The following TMC7 variants were observed in gnomAD, a reference collection of about 807,000 sequenced individuals.
The protein encoded by TMC7 is transmembrane channel-like protein 7.
TMC7 carries 54 observed loss-of-function variants against 82.9 expected under a neutral mutation model. The ratio of observed to expected loss-of-function variants is 0.65; its 90% CI spans 0.52 to 0.82. The LOEUF (loss-of-function observed/expected upper bound fraction) is 0.82, where lower values mean the gene tolerates loss of function less well. TMC7 is among the 40% of genes least tolerant of loss of function. The pLI, the probability that TMC7 is intolerant of heterozygous loss-of-function variation, is 0.00. For missense variants in TMC7, 820 were observed against 901.2 expected, an observed-to-expected ratio of 0.91 and a Z score of 1.15; for synonymous variants, 350 against 337.9, an observed-to-expected ratio of 1.04 and a Z score of -0.39.
intron 1 of TMC7, among the ~76,000 whole-genome samples, chr16:18,999,600 A>G (rs1257918080): frequency 3.9e-5 from 6 of 152,172 alleles, no homozygotes; most frequent in Non-Finnish European, 8.8e-5. Flanking sequence ...TGCTCAGTAA[A>G]TGTTTCTGAG....
intron 1 of TMC7, among the ~76,000 whole-genome samples, chr16:19,005,112 G>A (rs1239505265): frequency 8.0e-5 from 12 of 149,348 alleles, no homozygotes; most frequent in Non-Finnish European, 7.4e-5. Flanking sequence ...TTTCTGAGAC[G>A]GAGTCTCGCT....
Position 19,044,938 on chromosome 16 carries a change from C to T in TMC7, c.1392C>T (p.Ser464=), listed in dbSNP as rs1961195229. Residue 464 remains serine (S), a synonymous_variant, in exon 10 of 16, where the codon TCC becomes TCT. Coordinates refer to ENST00000304381, the MANE Select transcript of TMC7 (RefSeq NM_024847.4). ...GTGTCCTGGTGTTCACGCTGGGCTC[C>T]AAGATCACATCCTGTGATGATGACA... is the stretch of plus-strand genomic sequence containing the variant. ...TICVLVFTLG[S]KITSCDDDTC... 1.2e-6 allele frequency: 2 copies of T among 1,613,898 alleles called. No individual in the cohort carries two copies. Among genetic ancestry groups the T allele is most frequent in the Non-Finnish European group, 8.5e-7 (1 of 1,180,026 alleles).
rs530058910 is a variant in TMC7 at position 19,062,845 on chromosome 16, T to C, written c.*1002T>C. 4.8e-4 allele frequency: 74 copies of C among 152,672 alleles called. No homozygotes were observed. Among genetic ancestry groups the C allele is most frequent in the African/African-American group, 1.7e-3 (71 of 41,550 alleles). The allele number at this position is 152,672 out of a possible 1,614,324, so 9.5% of individuals were successfully genotyped here. The stretch of plus-strand genomic sequence containing the variant: ...TGTAATGGACTTTTCAAGCCTTCCT[T>C]CCATTGTTTTTCTTCCGTTCACTGG... On this transcript the variant is annotated 3_prime_UTR_variant, in exon 16 of 16. Coordinates refer to ENST00000304381, the MANE Select transcript of TMC7 (RefSeq NM_024847.4).
chr16:18,994,519 G>T (rs1310638304), intron 1 of TMC7, among the ~76,000 whole-genome samples: 2 of 152,008 alleles, frequency 1.3e-5, no homozygotes, highest in Non-Finnish European at 2.9e-5. Context: ...AAAGGGTGGG[G>T]ATGAGTTAGG....
chr16:19,019,493 A>T (rs1490243895), intron 3 of TMC7, among the ~76,000 whole-genome samples: 1 of 152,236 alleles, frequency 6.6e-6, no homozygotes, highest in African/African-American at 2.4e-5. Context: ...ACTATAAACC[A>T]GGCATTGTGT....
At chr16:18,998,141 A>G (rs1380054970) in intron 1 of TMC7, among the ~76,000 whole-genome samples, 1 of 152,166 alleles carries the variant, frequency 6.6e-6, no homozygotes, top group Non-Finnish European at 1.5e-5. Flanking sequence ...GTAATTGCAA[A>G]TAGTAAATTC....
intron 15 of TMC7, 68 bp from the exon 16 acceptor site, chr16:19,061,710 T>G (rs1317077056): frequency 7.3e-7 from 1 of 1,379,162 alleles, no homozygotes; most frequent in East Asian, 2.4e-5. Flanking sequence ...CAGCCCTCAG[T>G]CTGGTAGGTA....
At chr16:18,986,288 G>A (rs188856984) in intron 1 of TMC7, among the ~76,000 whole-genome samples, 2 of 151,898 alleles carry the variant, frequency 1.3e-5, no homozygotes, top group Admixed American at 1.3e-4. Context: ...CCAGCTACTC[G>A]GGAGGCTGAG....
intron 1 of TMC7, among the ~76,000 whole-genome samples, chr16:19,002,233 G>A (rs903507502): frequency 1.5e-4 from 21 of 144,174 alleles, no homozygotes; most frequent in East Asian, 1.4e-3. Context: ...ATGGAGGGCC[G>A]CTTTTTTTTT....
chr16:18,988,161 T>C (rs1169695225), intron 1 of TMC7, among the ~76,000 whole-genome samples: 3 of 145,724 alleles, frequency 2.1e-5, no homozygotes, highest in Admixed American at 2.1e-4. Flanking sequence ...TCTTTCTTTT[T>C]TTTTTTTTTT....
chr16:19,052,512 C>T (rs1000811004), intron 13 of TMC7, among the ~76,000 whole-genome samples: 1 of 152,066 alleles, frequency 6.6e-6, no homozygotes. Flanking sequence ...TGTTTCTTCA[C>T]CTTTAAATTA....
In TMC7 at chr16:19,016,528, G is replaced by T. The variant is rs146116084; in HGVS notation, c.390G>T (p.Arg130Ser). 1.2e-6 allele frequency: 2 copies of T among 1,614,166 alleles called. No homozygotes were observed. The highest frequency in any genetic ancestry group is 8.5e-7 in the Non-Finnish European group (1 of 1,180,022). ...WKRYSSKSWK[R>S]FLEKAREMTT... is the part of the protein sequence containing the mutation. ...GGTATAGCAGCAAGTCTTGGAAGAG[G>T]TTCCTAGAGAAGGCTCGAGAGATGA... Residue 130 changes from arginine (R) to serine (S), a missense_variant, in exon 3 of 16, where the codon AGG (arginine) becomes AGT (serine). Arg to Ser is a moderately radical substitution (Grantham distance 110). Transcript: ENST00000304381.
chr16:19,058,604 T>C (rs568407811), intron 14 of TMC7, among the ~76,000 whole-genome samples: 27 of 152,306 alleles, frequency 1.8e-4, no homozygotes, highest in Admixed American at 6.5e-4. Flanking sequence ...CAAATTTTAA[T>C]ATTAAAAGTA....
At chr16:19,051,061 C>T (rs904705835) in intron 12 of TMC7, among the ~76,000 whole-genome samples, 2 of 152,112 alleles carry the variant, frequency 1.3e-5, no homozygotes. Context: ...CACGAGCCCC[C>T]ACTGATAGCT....
chr16:19,061,737 C>T (rs775033486), intron 15 of TMC7, 41 bp from the exon 16 acceptor site: 1 of 1,556,252 alleles, frequency 6.4e-7, no homozygotes, highest in Non-Finnish European at 8.8e-7. Context: ...GTATTTGTTT[C>T]CAAATATATT....
rs986540081 is a variant in TMC7, at chr16:19,026,454, G to A, written c.711+3259G>A. Among the ~76,000 whole-genome samples the A allele has an allele frequency of 2.7e-5, 4 of 150,738 alleles. No individual in the cohort carries two copies. In the South Asian group the frequency reaches 6.3e-4, roughly 24 times the overall value. ...ATCATGCCACTGCACTCCAGCCTGG[G>A]CGACAGAGTGAGACTCCGTCTCAAA... On this transcript the variant is annotated intron_variant, in intron 5 of 15. Transcript: ENST00000304381.
At chr16:19,043,414 C>A (rs1192150835) in intron 9 of TMC7, among the ~76,000 whole-genome samples, 2 of 149,896 alleles carry the variant, frequency 1.3e-5, no homozygotes, top group Admixed American at 1.4e-4. Context: ...ATATATGTAA[C>A]ATAGAAGTTG....
rs201318966 is a variant in TMC7, at chr16:19,004,622, C to T, written c.68-4550C>T. Among the ~76,000 whole-genome samples the T allele has an allele frequency of 3.9e-5, 6 of 152,290 alleles. No homozygotes were observed. In the East Asian group the frequency reaches 1.2e-3, roughly 29 times the overall value. On this transcript the variant is annotated intron_variant, in intron 1 of 15. Coordinates refer to ENST00000304381, the MANE Select transcript of TMC7 (RefSeq NM_024847.4). ...TCAAGTGATCCACCTGCCTCAGCCTCCCAAAGTGCTGGGATTACAGGCGTG... is the reference window on the plus strand; with the variant it reads ...TCAAGTGATCCACCTGCCTCAGCCTTCCAAAGTGCTGGGATTACAGGCGTG...
In TMC7 at chr16:19,047,086, C is replaced by CT. The variant is rs766397073; in HGVS notation, c.1579dup (p.Cys527LeufsTer16). Reference sequence around the variant, plus strand: ...AGGCTCCTGGTGACCTACTGTTCCTCTTGCAAGCTGATTCAGTGCTGGGGG... The same window carrying CT: ...AGGCTCCTGGTGACCTACTGTTCCTCTTTGCAAGCTGATTCAGTGCTGGGGG... On this transcript the variant is annotated frameshift_variant, in exon 12 of 16. Coordinates refer to ENST00000304381, the MANE Select transcript of TMC7 (RefSeq NM_024847.4). LOFTEE classifies it high-confidence loss of function. The CT allele has an allele frequency of 6.2e-7, 1 of 1,612,068 alleles. No homozygotes were observed. The highest frequency in any genetic ancestry group is 1.7e-5 in the Admixed American group (1 of 59,478).
Sources: gnomAD v4.1 joint callset for allele counts (sites outside exome capture counted in the v4.1 genomes callset) on GRCh38, gnomAD v4.1.1 for gene constraint, MANE v1.5 for transcripts, NCBI Gene and HGNC (gene_info 2026-07-23, HGNC 2026-07-21) for gene names.